Variants in MACROD2 observed in about 807,000 individuals in gnomAD.
MACROD2 encodes mono-ADP ribosylhydrolase 2.
Under a neutral mutation model 70.4 loss-of-function variants are expected in MACROD2, and 36 were observed. The observed-to-expected ratio is 0.51, with a 90% CI of 0.39 to 0.68. The LOEUF is 0.68. Among genes scored for constraint, MACROD2 ranks in the 30% least tolerant of loss-of-function variants. The pLI, the probability that MACROD2 is intolerant of heterozygous loss-of-function variation, is 0.00. For synonymous variants in MACROD2, 172 were observed against 178.8 expected (o/e 0.96, Z 0.30); for missense variants, 496 against 538.4 (o/e 0.92, Z 0.78).
chr20:14,962,335 G>A (rs1289664875), intron 5 of MACROD2, among the ~76,000 whole-genome samples: 1 of 151,958 alleles, frequency 6.6e-6, no homozygotes, highest in African/African-American at 2.4e-5. Flanking sequence ...ATCTCACGCT[G>A]TCACCCAGGC....
At chr20:15,416,898 G>A (rs112551049) in intron 6 of MACROD2, among the ~76,000 whole-genome samples, 5,629 of 141,540 alleles carry the variant, frequency 0.04, 137 homozygotes, top group Non-Finnish European at 0.056. Flanking sequence ...GCGAGACTCC[G>A]TCTCAAAAAA....
At chr20:14,529,103 G>A (rs2085272284) in intron 4 of MACROD2, among the ~76,000 whole-genome samples, 1 of 152,094 alleles carries the variant, frequency 6.6e-6, no homozygotes, top group Non-Finnish European at 1.5e-5. Flanking sequence ...GGGCACTAGG[G>A]GAGCTATTAG....
At chr20:15,062,778 T>C (rs2123084432) in intron 5 of MACROD2, among the ~76,000 whole-genome samples, 1 of 152,320 alleles carries the variant, frequency 6.6e-6, no homozygotes, top group East Asian at 1.9e-4. Context: ...GTGATGTCTG[T>C]ACGTGGCAAT....
At chr20:15,702,607 A>G (rs1174125479) in intron 8 of MACROD2, among the ~76,000 whole-genome samples, 1 of 152,108 alleles carries the variant, frequency 6.6e-6, no homozygotes, top group Non-Finnish European at 1.5e-5. Flanking sequence ...ATTTTCTCCC[A>G]TTCTGTAGGT....
rs112561358 is a variant in MACROD2 at position 14,834,471 on chromosome 20, AG to A, written c.418+149516del. Reference sequence around the variant, plus strand: ...AGATTGATCCGTAGTGGTATAAATCAGGGGTCCCAATCACTGCAGACTCAGT... The same window carrying A: ...AGATTGATCCGTAGTGGTATAAATCAGGGTCCCAATCACTGCAGACTCAGT... On this transcript the variant is annotated intron_variant, in intron 5 of 17. Transcript: ENST00000684519. 9.2e-3 allele frequency among the ~76,000 whole-genome samples: 1,404 copies of A among 152,208 alleles called. 31 individuals carry two copies. The highest frequency in any genetic ancestry group is 0.031 in the African/African-American group (1,276 of 41,534).
intron 5 of MACROD2, among the ~76,000 whole-genome samples, chr20:15,181,964 C>A (rs1478795099): frequency 3.3e-5 from 5 of 150,676 alleles, no homozygotes; most frequent in Non-Finnish European, 4.4e-5. Context: ...AGAATCAATT[C>A]ATCACTTTGA....
chr20:14,988,303 AC>A (rs1273278109), intron 5 of MACROD2, among the ~76,000 whole-genome samples: 1 of 149,650 alleles, frequency 6.7e-6, no homozygotes, highest in Non-Finnish European at 1.5e-5. Flanking sequence ...GGCAGAGGCT[AC>A]AGTGAGTAGA....
chr20:14,239,080 A>ACAT (rs1330259863), intron 3 of MACROD2, among the ~76,000 whole-genome samples: 2 of 151,542 alleles, frequency 1.3e-5, no homozygotes, highest in Non-Finnish European at 2.9e-5. Flanking sequence ...TACACCAGCA[A>ACAT]CATCCAAGTT....
At chr20:14,461,480 G>A (rs6074743) in intron 3 of MACROD2, among the ~76,000 whole-genome samples, 39,985 of 150,802 alleles carry the variant, frequency 0.27, 5,470 homozygotes, top group Admixed American at 0.31. Context: ...TTTTGAATTT[G>A]TTTGCTGTTA....
At chr20:15,192,516 AC>A (rs1369322300) in intron 5 of MACROD2, among the ~76,000 whole-genome samples, 1 of 152,192 alleles carries the variant, frequency 6.6e-6, no homozygotes, top group East Asian at 1.9e-4. Context: ...TCCTACCAGC[AC>A]CACCTCTGCC....
intron 4 of MACROD2, among the ~76,000 whole-genome samples, chr20:14,557,639 G>A (rs1243547420): frequency 6.6e-6 from 1 of 151,806 alleles, no homozygotes; most frequent in Non-Finnish European, 1.5e-5. Flanking sequence ...AACATCATTA[G>A]CTCTCAGGGA....
chr20:15,285,551 A>G lies in MACROD2; in HGVS notation c.540+55490A>G, dbSNP rs146116162. 4.4e-3 allele frequency among the ~76,000 whole-genome samples: 677 copies of G among 152,238 alleles called. 7 individuals are homozygous for G. Among genetic ancestry groups the G allele is most frequent in the African/African-American group, 0.016 (651 of 41,560 alleles). ...ATCGTACTTCAATATGAAGTTTTCA[A>G]TCTCATTGGTGAATTTTGCTGGTCT... is the stretch of plus-strand genomic sequence containing the variant. On this transcript the variant is annotated intron_variant, in intron 6 of 17. Coordinates refer to ENST00000684519, the MANE Select transcript of MACROD2 (RefSeq NM_001351661.2).
chr20:15,394,242 C>G (rs942600179), intron 6 of MACROD2, among the ~76,000 whole-genome samples: 4 of 152,148 alleles, frequency 2.6e-5, no homozygotes, highest in Non-Finnish European at 5.9e-5. Context: ...CATTTTCTGT[C>G]TTTGAGCTAG....
chr20:14,417,802 A>G (rs906919391), intron 3 of MACROD2, among the ~76,000 whole-genome samples: 5 of 152,218 alleles, frequency 3.3e-5, no homozygotes, highest in African/African-American at 1.2e-4. Context: ...AGACTTGTCC[A>G]TCATAGTCAA....
At chr20:14,372,172 T>C (rs2122749385) in intron 3 of MACROD2, among the ~76,000 whole-genome samples, 1 of 152,306 alleles carries the variant, frequency 6.6e-6, no homozygotes, top group Non-Finnish European at 1.5e-5. Context: ...AACGCTGTAC[T>C]CGGAAGTACT....
At chr20:14,418,761 G>A (rs2083839295) in intron 3 of MACROD2, among the ~76,000 whole-genome samples, 2 of 152,166 alleles carry the variant, frequency 1.3e-5, no homozygotes, top group Non-Finnish European at 2.9e-5. Flanking sequence ...TCTTTCAGAA[G>A]AGATGTTTTA....
At position 14,989,082 on chromosome 20, in the gene MACROD2, A is replaced by C. The variant is rs138584396; in HGVS notation, c.419-240858A>C. Among the ~76,000 whole-genome samples, 1,076 of 152,308 alleles carry C rather than the reference A, an allele frequency of 7.1e-3. 5 individuals are homozygous for C. Among genetic ancestry groups the C allele is most frequent in the Admixed American group, 0.015 (226 of 15,298 alleles). ...AGCAGTATCAAGATGTGTGTGTTTG[A>C]ATTATATGGTTTTTTTTAAAAAGTA... On this transcript the variant is annotated intron_variant, in intron 5 of 17. Transcript: ENST00000684519.
intron 6 of MACROD2, among the ~76,000 whole-genome samples, chr20:15,415,487 G>A (rs932846742): frequency 1.3e-5 from 2 of 152,114 alleles, no homozygotes; most frequent in African/African-American, 4.8e-5. Context: ...AAAAGTGATG[G>A]GCAGAAATCC....
At chr20:15,710,281 C>T (rs761585158) in intron 8 of MACROD2, among the ~76,000 whole-genome samples, 10 of 151,422 alleles carry the variant, frequency 6.6e-5, no homozygotes, top group Non-Finnish European at 1.3e-4. Context: ...CTAGTACAGC[C>T]ATTATAAAGA....
Sources: allele counts gnomAD v4.1 joint callset (sites outside exome capture counted in the v4.1 genomes callset), GRCh38; gene constraint gnomAD v4.1.1; transcripts MANE v1.5; gene names NCBI Gene and HGNC (gene_info 2026-07-23, HGNC 2026-07-21).